The following ANKRD62 variants were observed in gnomAD, a reference collection of about 807,000 sequenced individuals.
ANKRD62 encodes ankyrin repeat domain-containing protein 62.
ANKRD62 carries 61 observed loss-of-function variants against 98.8 expected under a neutral mutation model. The observed-to-expected ratio is 0.62, with a 90% CI of 0.50 to 0.76. The LOEUF (loss-of-function observed/expected upper bound fraction) is 0.76, where lower values mean the gene tolerates loss of function less well. ANKRD62 is among the 30% of genes least tolerant of loss of function. ANKRD62 has a pLI of 0.00. For synonymous variants in ANKRD62, 341 were observed against 367.9 expected (o/e 0.93, Z 0.84); for missense variants, 933 against 1,082.9 (o/e 0.86, Z 1.94).
chr18:12,118,777 TC>T (rs1379706581), intron 10 of ANKRD62, among the ~76,000 whole-genome samples: 1 of 152,214 alleles, frequency 6.6e-6, no homozygotes, highest in Non-Finnish European at 1.5e-5. Context: ...GTTTATTCAT[TC>T]ACGTATTGGA....
chr18:12,169,065 C>G, the ANKRD62 span, among the ~76,000 whole-genome samples: 1 of 152,158 alleles, frequency 6.6e-6, no homozygotes, highest in Non-Finnish European at 1.5e-5. Context: ...AGTATACGAT[C>G]ATGTCATCTG....
intron 6 of ANKRD62, among the ~76,000 whole-genome samples, chr18:12,101,147 C>T (rs934454831): frequency 9.2e-5 from 14 of 151,882 alleles, no homozygotes; most frequent in African/African-American, 3.4e-4. Flanking sequence ...TTTTTTTTTG[C>T]AAGCCATTAG....
In ANKRD62 at chr18:12,102,885, T is replaced by G. The variant is rs943473622; in HGVS notation, c.821-273T>G. ...TTTCTGATGGTTTTGTTCATTTATA[T>G]TGTTGGGTGGATTCATTTGTGAGCG... On this transcript the variant is annotated intron_variant, in intron 6 of 13. Coordinates refer to ENST00000587848, the MANE Select transcript of ANKRD62 (RefSeq NM_001277333.2). 8.3e-5 allele frequency: 51 copies of G among 611,160 alleles called. No homozygotes were observed. In the African/African-American group the frequency reaches 9.6e-4, roughly 12 times the overall value. 37.9% of individuals were successfully genotyped at this position (611,160 alleles called of 1,614,324 possible).
intron 1 of ANKRD62, 73 bp downstream of exon 1, chr18:12,094,308 G>A: frequency 3.4e-6 from 4 of 1,186,496 alleles, no homozygotes; most frequent in Middle Eastern, 4.5e-4. Flanking sequence ...TCGGGGTAGG[G>A]GAGATACGGT....
In ANKRD62 at chr18:12,093,965, C is replaced by T. The variant is rs141168537; in HGVS notation, c.-53C>T. On this transcript the variant is annotated 5_prime_UTR_variant, in exon 1 of 14. Transcript: ENST00000587848. ...CAGAGAGGCAGAAAACGAGTGGGAG[C>T]TGAGGTGTCTTAAAGCCGTTCCTCA... 21,422 of 1,510,142 alleles carry T rather than the reference C, an allele frequency of 0.014. 321 individuals carry two copies. The highest frequency in any genetic ancestry group is 0.048 in the Middle Eastern group (212 of 4,450). The allele number at this position is 1,510,142 out of a possible 1,614,324, so 93.5% of individuals were successfully genotyped here. A position where few individuals can be genotyped will look rare whatever the true frequency, so the allele number is the denominator to read the frequency against.
intron 10 of ANKRD62, among the ~76,000 whole-genome samples, chr18:12,122,043 A>G (rs895400192): frequency 2.6e-5 from 4 of 152,178 alleles, no homozygotes; most frequent in Non-Finnish European, 5.9e-5. Flanking sequence ...TAAAACAGCT[A>G]TGTATTCTTA....
At chr18:12,098,746 A>T (rs1041698220) in intron 5 of ANKRD62, among the ~76,000 whole-genome samples, 1 of 152,226 alleles carries the variant, frequency 6.6e-6, no homozygotes, top group Non-Finnish European at 1.5e-5. Context: ...GAAATGAAAA[A>T]ATAACCACTT....
the ANKRD62 span, among the ~76,000 whole-genome samples, chr18:12,145,058 G>C: frequency 6.6e-6 from 1 of 152,020 alleles, no homozygotes; most frequent in Non-Finnish European, 1.5e-5. Flanking sequence ...CTGGAGAATT[G>C]CTTGAACCCA....
rs773834331 is a variant in ANKRD62, at chr18:12,095,411, T to G, written c.334-26T>G. 5 of 1,556,020 alleles carry G rather than the reference T, an allele frequency of 3.2e-6. No individual in the cohort carries two copies. In the South Asian group the frequency reaches 5.8e-5, roughly 18 times the overall value. The stretch of plus-strand genomic sequence containing the variant: ...GTGGAAGATTTCCTAGAATTTACAG[T>G]CTATTTCTTGGTCTAATACTGACAG... On this transcript the variant is annotated intron_variant, in intron 2 of 13. Transcript: ENST00000587848.
rs74609293 is a variant in ANKRD62 at position 12,102,531 on chromosome 18, G to A, written c.821-627G>A. The stretch of plus-strand genomic sequence containing the variant: ...CCCACTTTGTATTTTAGTTATAGTC[G>A]GTTAAAACATAAACTCGCTTTTGAA... On this transcript the variant is annotated intron_variant, in intron 6 of 13. Transcript: ENST00000587848. 382 of 322,436 alleles carry A rather than the reference G, an allele frequency of 1.2e-3. 7 individuals are homozygous for A. The East Asian group carries it at 0.021, about 18-fold the overall frequency. The allele number at this position is 322,436 out of a possible 1,614,324, so 20.0% of individuals were successfully genotyped here. A position where few individuals can be genotyped will look rare whatever the true frequency, so the allele number is the denominator to read the frequency against.
the ANKRD62 span, among the ~76,000 whole-genome samples, chr18:12,177,330 G>A: frequency 6.6e-6 from 1 of 152,300 alleles, no homozygotes; most frequent in African/African-American, 2.4e-5. Context: ...AGAGGAGCCA[G>A]GGAGAAGGAA....
Position 12,094,188 on chromosome 18 carries a change from C to T in ANKRD62, c.171C>T (p.Ser57=). ...IAGDVNKVME[S]ILLRLNDLND... is the part of the protein sequence containing the mutation. ...GTGATGTGAACAAGGTGATGGAGAG[C>T]ATCTTGCTCAGGCTGAATGACTTGA... The change falls in exon 1 of 14, where the codon AGC becomes AGT. Residue 57 remains serine, a synonymous_variant. Transcript: ENST00000587848. 4.6e-6 allele frequency: 7 copies of T among 1,531,338 alleles called. No homozygotes were observed. The highest frequency in any genetic ancestry group is 5.2e-6 in the Non-Finnish European group (6 of 1,146,118). The allele number at this position is 1,531,338 out of a possible 1,614,324, so 94.9% of individuals were successfully genotyped here. A position where few individuals can be genotyped will look rare whatever the true frequency, so the allele number is the denominator to read the frequency against.
At chr18:12,164,164 T>C in the ANKRD62 span, among the ~76,000 whole-genome samples, 12 of 152,130 alleles carry the variant, frequency 7.9e-5, no homozygotes, top group Non-Finnish European at 2.9e-5. Context: ...CTTTTTATTA[T>C]GGCTTTGATC....
chr18:12,095,621 C>T lies in ANKRD62; in HGVS notation c.507+11C>T, dbSNP rs1006472559. On this transcript the variant is annotated intron_variant, in intron 3 of 13. Coordinates refer to ENST00000587848, the MANE Select transcript of ANKRD62 (RefSeq NM_001277333.2). Reference sequence around the variant, plus strand: ...GAAGCAAGAAGCCAGGTATGATCAACCAATGTTCTTTTCAAAGTATTTCAA... The same window carrying T: ...GAAGCAAGAAGCCAGGTATGATCAATCAATGTTCTTTTCAAAGTATTTCAA... 1 of 1,476,814 alleles carries T rather than the reference C, an allele frequency of 6.8e-7. No homozygotes were observed. The highest frequency in any genetic ancestry group is 9.0e-7 in the Non-Finnish European group (1 of 1,117,210). The allele number at this position is 1,476,814 out of a possible 1,614,324, so 91.5% of individuals were successfully genotyped here. A position where few individuals can be genotyped will look rare whatever the true frequency, so the allele number is the denominator to read the frequency against.
chr18:12,140,347 C>T, the ANKRD62 span, among the ~76,000 whole-genome samples: 1 of 152,176 alleles, frequency 6.6e-6, no homozygotes, highest in Admixed American at 6.5e-5. Context: ...TCTCTCAACT[C>T]GTCAAAGTCA....
chr18:12,095,760 C>A, intron 3 of ANKRD62, 150 bp downstream of exon 3: 1 of 788,966 alleles, frequency 1.3e-6, no homozygotes, highest in Non-Finnish European at 1.9e-6. Context: ...AAAATACATT[C>A]ATAACAAATA....
At chr18:12,160,805 G>A in the ANKRD62 span, among the ~76,000 whole-genome samples, 1 of 152,116 alleles carries the variant, frequency 6.6e-6, no homozygotes, top group Non-Finnish European at 1.5e-5. Flanking sequence ...GTGATACAGG[G>A]AAGAAAATTA....
the ANKRD62 span, among the ~76,000 whole-genome samples, chr18:12,169,424 T>C: frequency 6.6e-6 from 1 of 152,212 alleles, no homozygotes; most frequent in East Asian, 1.9e-4. Flanking sequence ...GTTTATGTGA[T>C]GGATTACATT....
the ANKRD62 span, among the ~76,000 whole-genome samples, chr18:12,145,642 A>G: frequency 6.6e-6 from 1 of 152,158 alleles, no homozygotes; most frequent in South Asian, 2.1e-4. Context: ...TACTCTTGCC[A>G]GTGGTCTCCA....
Sources: gnomAD v4.1 joint callset for allele counts (sites outside exome capture counted in the v4.1 genomes callset) on GRCh38, gnomAD v4.1.1 for gene constraint, MANE v1.5 for transcripts, NCBI Gene and HGNC (gene_info 2026-07-23, HGNC 2026-07-21) for gene names.